The following PSMB7 variants were observed in gnomAD, a reference collection of about 807,000 sequenced individuals.
The protein encoded by PSMB7 is proteasome 20S subunit beta 7.
A neutral mutation model predicts 28.1 loss-of-function variants in PSMB7; 5 were observed. The observed-to-expected ratio is 0.18, with a 90% CI of 0.09 to 0.37. The LOEUF is 0.37. PSMB7 is among the 10% of genes least tolerant of loss of function. PSMB7 has a pLI of 1.00. For missense variants in PSMB7, 275 were observed against 346.2 expected (o/e 0.79, Z 1.63); for synonymous variants, 122 against 123.7 (o/e 0.99, Z 0.09).
intron 6 of PSMB7, among the ~76,000 whole-genome samples, chr9:124,373,105 C>A (rs1048188061): frequency 6.6e-6 from 1 of 152,208 alleles, no homozygotes; most frequent in South Asian, 2.1e-4. Flanking sequence ...CTCAAAATAT[C>A]TGGTGCTGGT....
At chr9:124,370,022 A>G (rs1275740774) in intron 6 of PSMB7, among the ~76,000 whole-genome samples, 1 of 152,138 alleles carries the variant, frequency 6.6e-6, no homozygotes, top group Non-Finnish European at 1.5e-5. Context: ...CCTGATCAAC[A>G]AAACTCAAGG....
chr9:124,354,542 T>G (rs529099933), intron 7 of PSMB7, among the ~76,000 whole-genome samples: 8 of 152,252 alleles, frequency 5.3e-5, no homozygotes, highest in Non-Finnish European at 1.0e-4. Flanking sequence ...TCCTCTCCCC[T>G]GGACACACGG....
intron 6 of PSMB7, among the ~76,000 whole-genome samples, chr9:124,374,864 A>T (rs959467265): frequency 6.6e-6 from 1 of 152,156 alleles, no homozygotes; most frequent in Non-Finnish European, 1.5e-5. Flanking sequence ...GGGATTGGCC[A>T]GGCACGGTGG....
intron 5 of PSMB7, among the ~76,000 whole-genome samples, chr9:124,397,916 C>T (rs1830858063): frequency 6.6e-6 from 1 of 152,268 alleles, no homozygotes; most frequent in South Asian, 2.1e-4. Context: ...GCCTGTAATC[C>T]CAGCACTTTG....
At chr9:124,397,542 C>G (rs1423378941) in intron 5 of PSMB7, among the ~76,000 whole-genome samples, 1 of 152,200 alleles carries the variant, frequency 6.6e-6, no homozygotes, top group Non-Finnish European at 1.5e-5. Context: ...GTAGCCAATA[C>G]AGGCCCATGG....
chr9:124,373,826 A>G (rs1830584874), intron 6 of PSMB7, among the ~76,000 whole-genome samples: 1 of 152,238 alleles, frequency 6.6e-6, no homozygotes. Context: ...GACGCTTTGG[A>G]AAACTCTGGT....
chr9:124,386,760 A>G (rs1830724819), intron 5 of PSMB7, among the ~76,000 whole-genome samples: 1 of 152,248 alleles, frequency 6.6e-6, no homozygotes, highest in African/African-American at 2.4e-5. Context: ...AGCTTACCTT[A>G]AAGGCATTTT....
chr9:124,391,926 GA>G (rs1262564312), intron 5 of PSMB7, among the ~76,000 whole-genome samples: 1 of 152,212 alleles, frequency 6.6e-6, no homozygotes, highest in Non-Finnish European at 1.5e-5. Context: ...AACAGTAAAA[GA>G]CTGAAATAAT....
intron 6 of PSMB7, among the ~76,000 whole-genome samples, chr9:124,361,834 G>T (rs1233652150): frequency 6.6e-6 from 1 of 152,204 alleles, no homozygotes; most frequent in African/African-American, 2.4e-5. Flanking sequence ...CCACTATAGT[G>T]CAGGTCCAAA....
At chr9:124,355,813 G>A (rs558340051) in intron 7 of PSMB7, among the ~76,000 whole-genome samples, 1 of 152,306 alleles carries the variant, frequency 6.6e-6, no homozygotes, top group Non-Finnish European at 1.5e-5. Flanking sequence ...CACCCCATCA[G>A]GAGCCCACTG....
intron 6 of PSMB7, among the ~76,000 whole-genome samples, chr9:124,367,902 C>T (rs1360378459): frequency 6.6e-6 from 1 of 152,210 alleles, no homozygotes; most frequent in Admixed American, 6.5e-5. Flanking sequence ...TCAGGGCTAC[C>T]AATGTGATAG....
intron 6 of PSMB7, among the ~76,000 whole-genome samples, chr9:124,373,041 G>A (rs1298333170): frequency 1.3e-5 from 2 of 152,206 alleles, no homozygotes; most frequent in Non-Finnish European, 2.9e-5. Context: ...TCCAAAGCTG[G>A]CCACCAGTGG....
intron 6 of PSMB7, among the ~76,000 whole-genome samples, chr9:124,380,474 G>C (rs933711009): frequency 6.6e-6 from 1 of 152,154 alleles, no homozygotes; most frequent in Non-Finnish European, 1.5e-5. Context: ...CTGGGAAGTC[G>C]AGGCTGCAGT....
intron 5 of PSMB7, among the ~76,000 whole-genome samples, chr9:124,386,184 A>G (rs1346501819): frequency 6.6e-6 from 1 of 151,852 alleles, no homozygotes; most frequent in African/African-American, 2.4e-5. Context: ...ATCTAAAGGG[A>G]CATTAAAAGC....
At chr9:124,381,485 A>G (rs1197359058) in intron 6 of PSMB7, among the ~76,000 whole-genome samples, 1 of 152,204 alleles carries the variant, frequency 6.6e-6, no homozygotes, top group African/African-American at 2.4e-5. Flanking sequence ...CAGCAGTGCT[A>G]TTCTCCTGGC....
intron 5 of PSMB7, among the ~76,000 whole-genome samples, chr9:124,390,848 C>T (rs1830775900): frequency 6.6e-6 from 1 of 152,166 alleles, no homozygotes; most frequent in African/African-American, 2.4e-5. Flanking sequence ...GTAACAGCAG[C>T]AGCAGGCAGC....
intron 5 of PSMB7, among the ~76,000 whole-genome samples, chr9:124,392,127 G>C (rs1222754503): frequency 6.6e-6 from 1 of 152,232 alleles, no homozygotes; most frequent in Admixed American, 6.5e-5. Flanking sequence ...AGGAAATTGA[G>C]ACTCAACTGG....
At chr9:124,398,127 C>T (rs1272027805) in intron 5 of PSMB7, among the ~76,000 whole-genome samples, 11 of 151,218 alleles carry the variant, frequency 7.3e-5, no homozygotes, top group Admixed American at 6.6e-4. Context: ...GAGCCAAAAT[C>T]GAGCCACTTA....
chr9:124,413,153 C>CAAAA (rs61132576), intron 3 of PSMB7, among the ~76,000 whole-genome samples: 100 of 46,648 alleles, frequency 2.1e-3, no homozygotes, highest in Admixed American at 2.7e-3. Flanking sequence ...GCATCTCTCC[C>CAAAA]AAAAAAAAAA....
Sources: allele counts gnomAD v4.1 joint callset (sites outside exome capture counted in the v4.1 genomes callset), GRCh38; gene constraint gnomAD v4.1.1; transcripts MANE v1.5; gene names NCBI Gene and HGNC (gene_info 2026-07-23, HGNC 2026-07-21).